PCDHGA5: variants seen among roughly 807,000 people sequenced by gnomAD.
PCDHGA5 encodes the protein protocadherin gamma subfamily A, 5.
In PCDHGA5, 36 loss-of-function variants were observed where a neutral mutation model predicts 56.7. That is an observed-to-expected ratio of 0.64 (90% confidence interval 0.49 to 0.84). The LOEUF (loss-of-function observed/expected upper bound fraction) is 0.84, where lower values mean the gene tolerates loss of function less well. Ranked by LOEUF, PCDHGA5 falls within the 40% of genes least tolerant of loss-of-function variation. PCDHGA5 has a pLI of 0.00. For synonymous variants in PCDHGA5, 563 were observed against 520.2 expected (o/e 1.08, Z -1.12); for missense variants, 1,305 against 1,201.5 (o/e 1.09, Z -1.27).
At chr5:141,483,706 C>T (rs1187078630) in intron 1 of PCDHGA5, among the ~76,000 whole-genome samples, 1 of 151,926 alleles carries the variant, frequency 6.6e-6, no homozygotes, top group African/African-American at 2.4e-5. Context: ...CTTTTTGACA[C>T]CAGAATATTG....
At chr5:141,393,201 A>C in intron 1 of PCDHGA5, 1 of 1,613,534 alleles carries the variant, frequency 6.2e-7, no homozygotes, top group Admixed American at 1.7e-5. Context: ...TAACGATAAT[A>C]ACCCAAAATT....
chr5:141,489,692 G>A lies in PCDHGA5; in HGVS notation c.2422-5115G>A. 1.9e-6 allele frequency: 3 copies of A among 1,614,128 alleles called. No individual in the cohort carries two copies. The highest frequency in any genetic ancestry group is 1.7e-6 in the Non-Finnish European group (2 of 1,179,980). On this transcript the variant is annotated intron_variant, in intron 1 of 3. Coordinates refer to ENST00000518069, the MANE Select transcript of PCDHGA5 (RefSeq NM_018918.3). The surrounding 1 kb of genome is among the most constrained non-coding windows in gnomAD (Gnocchi z 4.5). The stretch of plus-strand genomic sequence containing the variant: ...TCAGAATCAGCAGCATCTGGGGCAC[G>A]ATTCCCACTGGACAGTGCCCAGGAT...
At chr5:141,422,307 C>T in intron 1 of PCDHGA5, 4 of 1,547,552 alleles carry the variant, frequency 2.6e-6, no homozygotes, top group South Asian at 1.3e-5. Flanking sequence ...TTCTGGAAAA[C>T]TCTCCTCCAG....
chr5:141,455,738 A>G (rs896060095), intron 1 of PCDHGA5, among the ~76,000 whole-genome samples: 2 of 152,140 alleles, frequency 1.3e-5, no homozygotes, highest in Non-Finnish European at 2.9e-5. Flanking sequence ...TTGCATATCA[A>G]AGGTTGCTGG....
At chr5:141,415,740 G>GTTTTTTTTTTTTTTTTTTTTTTTTTTT (rs57426385) in intron 1 of PCDHGA5, 4 of 625,042 alleles carry the variant, frequency 6.4e-6, no homozygotes, top group Non-Finnish European at 6.4e-6. Flanking sequence ...GTTTATTAAG[G>GTTTTTTTTTTTTTTTTTTTTTTTTTTT]TTTTTTTTTT....
chr5:141,433,236 C>G, intron 1 of PCDHGA5: 2 of 1,501,160 alleles, frequency 1.3e-6, no homozygotes, highest in South Asian at 1.3e-5. Flanking sequence ...CTCTGTCTCC[C>G]AAGCTGGAAT....
At chr5:141,498,826 A>G (rs1186868890) in intron 2 of PCDHGA5, among the ~76,000 whole-genome samples, 1 of 152,006 alleles carries the variant, frequency 6.6e-6, no homozygotes, top group African/African-American at 2.4e-5. Context: ...CCAGCTACTC[A>G]GGAGGCTGAG....
Position 141,432,082 on chromosome 5 carries a change from C to G in PCDHGA5, c.2422-62725C>G. The G allele has an allele frequency of 1.2e-6, 2 of 1,614,184 alleles. No individual in the cohort carries two copies. The highest frequency in any genetic ancestry group is 1.7e-6 in the Non-Finnish European group (2 of 1,180,028). On this transcript the variant is annotated intron_variant, in intron 1 of 3. Coordinates refer to ENST00000518069, the MANE Select transcript of PCDHGA5 (RefSeq NM_018918.3). This position sits in a 1 kb window ranked among gnomAD's most constrained non-coding sequence, Gnocchi z 6.0. Reference sequence around the variant, plus strand: ...CCACGGAAACTCATATCTCGCTGAACGTGGCAGACACCAACGACAACCCGC... The same window carrying G: ...CCACGGAAACTCATATCTCGCTGAAGGTGGCAGACACCAACGACAACCCGC...
Position 141,485,064 on chromosome 5 carries a change from G to C in PCDHGA5, c.2422-9743G>C, listed in dbSNP as rs1205637757. On this transcript the variant is annotated intron_variant, in intron 1 of 3. Transcript: ENST00000518069. The surrounding 1 kb of genome is among the most constrained non-coding windows in gnomAD (Gnocchi z 5.7). ...TTGCGGCGCCGGCCGAACCGCGCCA[G>C]AGCTGGCGCGGGGAAAGGGAGATAG... The C allele has an allele frequency of 4.9e-5, 43 of 882,320 alleles. No individual in the cohort carries two copies. The highest frequency in any genetic ancestry group is 7.4e-5 in the Non-Finnish European group (41 of 557,230). 54.7% of individuals were successfully genotyped at this position (882,320 alleles called of 1,614,324 possible).
In PCDHGA5 at chr5:141,366,307, GGTCACCGTTGCC is replaced by G; in HGVS notation, c.1980_1991del (p.Thr661_Val664del). ...AGCCCCCTCTGTCAGCCACCTTCAC[GGTCACCGTTGCC>G]GTGGCCGACAGGATCCCTGACATCC... On this transcript the variant is annotated inframe_deletion, in exon 1 of 4. Coordinates refer to ENST00000518069, the MANE Select transcript of PCDHGA5 (RefSeq NM_018918.3). The G allele has an allele frequency of 5.6e-6, 9 of 1,613,748 alleles. No individual in the cohort carries two copies. The highest frequency in any genetic ancestry group is 7.6e-6 in the Non-Finnish European group (9 of 1,179,996).
chr5:141,500,207 T>G (rs932015076), intron 2 of PCDHGA5, among the ~76,000 whole-genome samples: 2 of 150,136 alleles, frequency 1.3e-5, no homozygotes, highest in African/African-American at 4.9e-5. Context: ...TTTATTTATT[T>G]ATTTATTTAT....
At chr5:141,504,017 T>G (rs1186684262) in intron 2 of PCDHGA5, among the ~76,000 whole-genome samples, 1 of 152,150 alleles carries the variant, frequency 6.6e-6, no homozygotes, top group Non-Finnish European at 1.5e-5. Context: ...TCTCTGCTGG[T>G]CTCTTCCCAC....
intron 1 of PCDHGA5, among the ~76,000 whole-genome samples, chr5:141,467,727 T>C (rs1562013145): frequency 6.6e-6 from 1 of 152,046 alleles, no homozygotes; most frequent in African/African-American, 2.4e-5. Flanking sequence ...AGTGGCACAA[T>C]CCCAGCTCGC....
At chr5:141,382,679 C>G in intron 1 of PCDHGA5, 1 of 439,974 alleles carries the variant, frequency 2.3e-6, no homozygotes, top group South Asian at 6.8e-5. Flanking sequence ...GTTCACCAAC[C>G]AGGGAAAAAT....
intron 1 of PCDHGA5, chr5:141,441,702 A>G: frequency 3.2e-6 from 1 of 309,906 alleles, no homozygotes. Context: ...GCGAGCCTTC[A>G]AGCTCACGCT....
chr5:141,415,163 C>A, intron 1 of PCDHGA5: 1 of 1,613,856 alleles, frequency 6.2e-7, no homozygotes. Flanking sequence ...GCCACTGTCA[C>A]GCTCACCGTG....
chr5:141,423,170 A>T (rs755141371), intron 1 of PCDHGA5: 1 of 1,613,504 alleles, frequency 6.2e-7, no homozygotes, highest in South Asian at 1.1e-5. Flanking sequence ...GTGGCCGTCC[A>T]GGACCACGGC....
chr5:141,385,104 G>A, intron 1 of PCDHGA5: 1 of 1,614,192 alleles, frequency 6.2e-7, no homozygotes, highest in Non-Finnish European at 8.5e-7. Flanking sequence ...TGGCGAACGT[G>A]CCCACCTCGC....
At chr5:141,417,179 A>C (rs1015183950) in intron 1 of PCDHGA5, 1 of 152,194 alleles carries the variant, frequency 6.6e-6, no homozygotes, top group African/African-American at 2.4e-5. Context: ...GAAATAAGGA[A>C]TTATTACTTT....
Sources: allele counts gnomAD v4.1 joint callset (sites outside exome capture counted in the v4.1 genomes callset), GRCh38; gene constraint gnomAD v4.1.1; non-coding constraint Gnocchi (gnomAD v3.1); transcripts MANE v1.5; gene names NCBI Gene and HGNC (gene_info 2026-07-23, HGNC 2026-07-21).